Variants in PPP1R1C observed in about 807,000 individuals in gnomAD.
PPP1R1C encodes the protein protein phosphatase 1 regulatory inhibitor subunit 1C.
PPP1R1C carries 15 observed loss-of-function variants against 17.4 expected under a neutral mutation model. The observed-to-expected ratio is 0.86, with a 90% CI of 0.58 to 1.33. PPP1R1C has a LOEUF of 1.33. Among genes scored for constraint, PPP1R1C ranks in the 40% most tolerant of loss-of-function variants. The pLI, the probability that PPP1R1C is intolerant of heterozygous loss-of-function variation, is 0.00. For synonymous variants in PPP1R1C, 35 were observed against 43.1 expected (o/e 0.81, Z 0.73); for missense variants, 143 against 130.0 (o/e 1.10, Z -0.48).
In PPP1R1C at chr2:181,976,972, T is replaced by A. The variant is rs1685101788; in HGVS notation, n.157+1708T>A. Among the ~76,000 whole-genome samples the A allele has an allele frequency of 6.6e-6, 1 of 151,394 alleles. No homozygotes were observed. Among genetic ancestry groups the A allele is most frequent in the Admixed American group, 6.6e-5 (1 of 15,202 alleles). On this transcript the variant is annotated intron_variant and non_coding_transcript_variant, in intron 2 of 5. Coordinates refer to the PPP1R1C transcript ENST00000464264. This position sits in a 1 kb window ranked among gnomAD's most constrained non-coding sequence, Gnocchi z 4.8. ...GGGCAACATAGCGAGACCCTGTCTC[T>A]ACTAAAAATACAAAAATTAGCTTGG...
chr2:182,098,874 A>T (rs1689020146), intron 4 of PPP1R1C, among the ~76,000 whole-genome samples: 1 of 152,234 alleles, frequency 6.6e-6, no homozygotes, highest in Admixed American at 6.5e-5. Flanking sequence ...TATGCCTTGC[A>T]TTATCTTTAC....
intron 2 of PPP1R1C, among the ~76,000 whole-genome samples, chr2:182,004,690 T>G (rs1685864856): frequency 1.3e-5 from 2 of 152,140 alleles, no homozygotes; most frequent in Non-Finnish European, 2.9e-5. Context: ...AGAGTTAGGA[T>G]TAGGAACCAC....
chr2:181,969,985 C>T (rs1684974167), intron 1 of PPP1R1C, among the ~76,000 whole-genome samples: 1 of 152,168 alleles, frequency 6.6e-6, no homozygotes, highest in Admixed American at 6.5e-5. Context: ...TTAAATTTAT[C>T]TGATAAGATT....
At chr2:182,003,527 C>A (rs965089989) in intron 2 of PPP1R1C, among the ~76,000 whole-genome samples, 3 of 152,030 alleles carry the variant, frequency 2.0e-5, no homozygotes, top group African/African-American at 7.2e-5. Context: ...AATATGTTTT[C>A]TTGCAGCTCA....
At chr2:182,027,161 G>A (rs2125167653) in intron 2 of PPP1R1C, among the ~76,000 whole-genome samples, 2 of 137,778 alleles carry the variant, frequency 1.5e-5, no homozygotes, top group Admixed American at 7.4e-5. Flanking sequence ...TGCAAACAGG[G>A]ACAATTTGAC....
At chr2:182,090,357 G>C (rs986950830) in intron 4 of PPP1R1C, among the ~76,000 whole-genome samples, 2 of 151,658 alleles carry the variant, frequency 1.3e-5, no homozygotes, top group African/African-American at 4.8e-5. Flanking sequence ...CTGAGAGAGA[G>C]ACAGAAAGAG....
At chr2:182,101,116 C>A (rs1401228403) in intron 4 of PPP1R1C, among the ~76,000 whole-genome samples, 1 of 152,176 alleles carries the variant, frequency 6.6e-6, no homozygotes, top group African/African-American at 2.4e-5. Context: ...GAGAAATAAA[C>A]AAGCCTTCCT....
chr2:181,994,863 A>G (rs1266470136), intron 2 of PPP1R1C, among the ~76,000 whole-genome samples: 1 of 152,230 alleles, frequency 6.6e-6, no homozygotes, highest in Non-Finnish European at 1.5e-5. Context: ...TTCCTAGTCT[A>G]TAAAGCATTT....
upstream of PPP1R1C, among the ~76,000 whole-genome samples, chr2:181,984,509 G>A (rs1156366371): frequency 4.6e-5 from 7 of 151,936 alleles, no homozygotes; most frequent in African/African-American, 9.7e-5. Context: ...ATTTCCCTTC[G>A]ACACTACACG....
At chr2:182,019,248 T>C (rs1686345044) in intron 2 of PPP1R1C, among the ~76,000 whole-genome samples, 1 of 152,164 alleles carries the variant, frequency 6.6e-6, no homozygotes, top group Non-Finnish European at 1.5e-5. Flanking sequence ...TTACAATAAT[T>C]CCTGAAGTTT....
chr2:182,029,297 C>T (rs975474818), intron 2 of PPP1R1C, among the ~76,000 whole-genome samples: 2 of 151,844 alleles, frequency 1.3e-5, no homozygotes, highest in Admixed American at 6.6e-5. Context: ...GATGCAGTTT[C>T]TTCCTAGTCT....
At chr2:181,988,833 C>T (rs1451454155) in intron 2 of PPP1R1C, among the ~76,000 whole-genome samples, 4 of 152,142 alleles carry the variant, frequency 2.6e-5, no homozygotes, top group African/African-American at 9.7e-5. Flanking sequence ...GGCTATTCAT[C>T]ATTTAGCCCA....
At chr2:182,036,575 G>A (rs1687010246) in intron 2 of PPP1R1C, among the ~76,000 whole-genome samples, 1 of 151,914 alleles carries the variant, frequency 6.6e-6, no homozygotes, top group Non-Finnish European at 1.5e-5. Flanking sequence ...ATTTATCTAG[G>A]TGATCTCTAA....
Position 182,124,758 on chromosome 2 carries a change from T to C in PPP1R1C, c.*7-4216T>C, listed in dbSNP as rs191453530. Among the ~76,000 whole-genome samples the C allele has an allele frequency of 2.2e-4, 34 of 152,320 alleles. No homozygotes were observed. The East Asian group carries it at 6.0e-3, about 27-fold the overall frequency. Reference sequence around the variant, plus strand: ...GCAAATTGATTTTGTATCCTGAGACTTCACTGAAGTTGCTTATCAGCTGAA... The same window carrying C: ...GCAAATTGATTTTGTATCCTGAGACCTCACTGAAGTTGCTTATCAGCTGAA... On this transcript the variant is annotated intron_variant, in intron 5 of 5. Transcript: ENST00000280295.
upstream of PPP1R1C, among the ~76,000 whole-genome samples, chr2:181,982,617 T>G (rs560873842): frequency 2.6e-5 from 4 of 152,266 alleles, no homozygotes; most frequent in African/African-American, 9.6e-5. Flanking sequence ...GAAGGTCTCT[T>G]TCTAAGGAGG....
chr2:182,050,920 G>C (rs1481034227), intron 2 of PPP1R1C, among the ~76,000 whole-genome samples: 1 of 152,080 alleles, frequency 6.6e-6, no homozygotes, highest in Non-Finnish European at 1.5e-5. Flanking sequence ...TTTTATTACA[G>C]CAGTCAACAT....
intron 4 of PPP1R1C, among the ~76,000 whole-genome samples, chr2:182,082,390 A>G (rs927355749): frequency 3.9e-5 from 6 of 152,184 alleles, no homozygotes; most frequent in Non-Finnish European, 7.3e-5. Context: ...TGTTTGACAA[A>G]CATGGGACAT....
intron 1 of PPP1R1C, among the ~76,000 whole-genome samples, chr2:181,956,472 C>T (rs1684671869): frequency 1.3e-5 from 2 of 152,358 alleles, no homozygotes; most frequent in South Asian, 2.1e-4. Flanking sequence ...AATCGCCACA[C>T]TGTCTGCCAC....
chr2:182,000,300 G>A (rs1474249656), intron 2 of PPP1R1C, among the ~76,000 whole-genome samples: 1 of 152,126 alleles, frequency 6.6e-6, no homozygotes, highest in Non-Finnish European at 1.5e-5. Flanking sequence ...GGATAGAAAC[G>A]GGGTTGGTCT....
Sources: gnomAD v4.1 joint callset for allele counts (sites outside exome capture counted in the v4.1 genomes callset) on GRCh38, gnomAD v4.1.1 for gene constraint, Gnocchi (gnomAD v3.1) non-coding constraint, MANE v1.5 for transcripts, NCBI Gene and HGNC (gene_info 2026-07-23, HGNC 2026-07-21) for gene names.